Variants in TMPRSS6 observed in about 807,000 individuals in gnomAD.
The protein encoded by TMPRSS6 is transmembrane serine protease 6, also known as transmembrane protease serine 6.
TMPRSS6 carries 67 observed loss-of-function variants against 101.5 expected under a neutral mutation model. The ratio of observed to expected loss-of-function variants is 0.66; its 90% CI spans 0.54 to 0.81. TMPRSS6 has a LOEUF of 0.81. TMPRSS6 is among the 30% of genes least tolerant of loss of function. The probability of loss-of-function intolerance (pLI) is 0.00; values close to 1 mark genes in which losing one functional copy is unlikely to be tolerated. For missense variants in TMPRSS6, 1,034 were observed against 1,088.7 expected (o/e 0.95, Z 0.71); for synonymous variants, 453 against 464.9 (o/e 0.97, Z 0.33).
At position 37,089,775 on chromosome 22, in the gene TMPRSS6, G is replaced by T; in HGVS notation, c.639C>A (p.Tyr213Ter). ...IAALNSTLGC[Y>*]RYSYVGQGQV... is the part of the protein sequence containing the mutation. ...GGCCCTGGCCCACGTAGCTGTAGCG[G>T]TAACAACCTGGAGCGGGGAGAGGGG... is the stretch of plus-strand genomic sequence containing the variant. The change falls in exon 7 of 18, where the codon TAC becomes TAA. Residue 213 changes from tyrosine to a stop codon, truncating the protein, a stop_gained. Transcript: ENST00000676104. LOFTEE classifies it high-confidence loss of function. 1 of 1,612,054 alleles carries T rather than the reference G, an allele frequency of 6.2e-7. No homozygotes were observed. Among genetic ancestry groups the T allele is most frequent in the Non-Finnish European group, 8.5e-7 (1 of 1,179,634 alleles).
chr22:37,067,054 G>A, intron 16 of TMPRSS6, 92 bp from the exon 17 acceptor site: 2 of 1,580,598 alleles, frequency 1.3e-6, no homozygotes, highest in Non-Finnish European at 1.7e-6. Context: ...CATCTCAGGA[G>A]CCTACTTCTC....
intron 13 of TMPRSS6, among the ~76,000 whole-genome samples, chr22:37,072,453 T>TGGATGATGGATG (rs1568999335): frequency 1.1e-5 from 1 of 93,586 alleles, no homozygotes; most frequent in African/African-American, 4.8e-5. Context: ...GATGGATGGA[T>TGGATGATGGATG]GATGGATGGA....
chr22:37,065,504 G>T lies in TMPRSS6; in HGVS notation c.*576C>A, dbSNP rs139014458. On this transcript the variant is annotated 3_prime_UTR_variant, in exon 18 of 18. Coordinates refer to ENST00000676104, the MANE Select transcript of TMPRSS6 (RefSeq NM_001374504.1). ...CCCAGTGAGGGTCTGGGCTGTGAGG[G>T]CCCAGGTGGCAGGCAGGGGTGGGGC... The T allele has an allele frequency of 8.3e-5, 13 of 156,772 alleles. No individual in the cohort carries two copies. The East Asian group carries it at 2.1e-3, about 25-fold the overall frequency. The allele number at this position is 156,772 out of a possible 1,614,324, so 9.7% of individuals were successfully genotyped here.
At chr22:37,095,428 G>C in intron 6 of TMPRSS6, 123 bp downstream of exon 6, 1 of 1,226,824 alleles carries the variant, frequency 8.2e-7, no homozygotes, top group South Asian at 1.3e-5. Context: ...CATCCCCTGG[G>C]TGACTCTTGG....
chr22:37,069,406 C>G lies in TMPRSS6; in HGVS notation c.1842-62G>C. 1 of 1,457,662 alleles carries G rather than the reference C, an allele frequency of 6.9e-7. No individual in the cohort carries two copies. Among genetic ancestry groups the G allele is most frequent in the Non-Finnish European group, 9.2e-7 (1 of 1,084,024 alleles). The allele number at this position is 1,457,662 out of a possible 1,614,324, so 90.3% of individuals were successfully genotyped here. A position where few individuals can be genotyped will look rare whatever the true frequency, so the allele number is the denominator to read the frequency against. On this transcript the variant is annotated intron_variant, in intron 15 of 17. Transcript: ENST00000676104. The surrounding 1 kb of genome is among the most constrained non-coding windows in gnomAD (Gnocchi z 4.8). ...TGAGGTGGGAGGAAGCTGCCTCTCC[C>G]CATCCAGGGACCCTCAAGATAGCCA...
At position 37,103,339 on chromosome 22, in the gene TMPRSS6, T is replaced by A. The variant is rs763912943; in HGVS notation, c.79A>T (p.Met27Leu). Reference sequence around the variant, plus strand: ...TTGGAGTCCTCACAGGCCTTGAACATCCCCTCCGGCTCCGCTTCCTCGCCA... The same window carrying A: ...TTGGAGTCCTCACAGGCCTTGAACAACCCCTCCGGCTCCGCTTCCTCGCCA... ...GDGEEAEPEG[M>L]FKACEDSKRK... Residue 27 changes from methionine (M) to leucine (L), a missense_variant, in exon 2 of 18, where the codon ATG becomes TTG. Physicochemically the swap from Met to Leu is conservative, Grantham distance 15. Coordinates refer to ENST00000676104, the MANE Select transcript of TMPRSS6 (RefSeq NM_001374504.1). This position sits in a 1 kb window ranked among gnomAD's most constrained non-coding sequence, Gnocchi z 4.4. 2 of 1,613,888 alleles carry A rather than the reference T, an allele frequency of 1.2e-6. No individual in the cohort carries two copies. Among genetic ancestry groups the A allele is most frequent in the Non-Finnish European group, 1.7e-6 (2 of 1,179,996 alleles).
In TMPRSS6 at chr22:37,074,564, G is replaced by A. The variant is rs2072860; in HGVS notation, c.1441+46C>T. 846,851 of 1,568,280 alleles carry A rather than the reference G, an allele frequency of 0.54. 231,357 individuals carry two copies. Among genetic ancestry groups the A allele is most frequent in the African/African-American group, 0.73 (54,354 of 74,142 alleles). On this transcript the variant is annotated intron_variant, in intron 12 of 17. Coordinates refer to ENST00000676104, the MANE Select transcript of TMPRSS6 (RefSeq NM_001374504.1). ...TCAGAGCAGGAAAGGTGAGGAAGGA[G>A]AAGGGATGGGCAGGGAGAGGAGGGA...
At chr22:37,098,720 G>A (rs1355208826) in intron 2 of TMPRSS6, among the ~76,000 whole-genome samples, 171 bp from the exon 3 acceptor site, 1 of 152,104 alleles carries the variant, frequency 6.6e-6, no homozygotes, top group Non-Finnish European at 1.5e-5. Context: ...TTGTCATCAT[G>A]GTCATCTAAA....
At position 37,069,018 on chromosome 22, in the gene TMPRSS6, G is replaced by A. The variant is rs1010669673; in HGVS notation, c.2113+55C>T. The A allele has an allele frequency of 3.0e-5, 46 of 1,530,070 alleles. No homozygotes were observed. The highest frequency in any genetic ancestry group is 3.9e-5 in the Non-Finnish European group (45 of 1,144,768). The allele number at this position is 1,530,070 out of a possible 1,614,324, so 94.8% of individuals were successfully genotyped here. ...CGCCCTTCTCCAGGCCAGGTGTTAC[G>A]GCGCAGATCCGCACGGTCTCCCTCC... is the stretch of plus-strand genomic sequence containing the variant. On this transcript the variant is annotated intron_variant, in intron 16 of 17. Coordinates refer to ENST00000676104, the MANE Select transcript of TMPRSS6 (RefSeq NM_001374504.1). This position sits in a 1 kb window ranked among gnomAD's most constrained non-coding sequence, Gnocchi z 4.8.
intron 6 of TMPRSS6, among the ~76,000 whole-genome samples, 182 bp downstream of exon 6, chr22:37,095,369 C>G (rs73421613): frequency 0.05 from 7,535 of 152,178 alleles, 627 homozygotes; most frequent in African/African-American, 0.17. Context: ...CTCCTCTCCC[C>G]CTACAGGCTC....
rs963790787 is a variant in TMPRSS6 at position 37,069,346 on chromosome 22, T to TGGGGTGG, written c.1842-9_1842-3dup. On this transcript the variant is annotated splice_polypyrimidine_tract_variant and splice_region_variant and intron_variant, in intron 15 of 17. Transcript: ENST00000676104. This position sits in a 1 kb window ranked among gnomAD's most constrained non-coding sequence, Gnocchi z 4.8. ...GTCCACAGCACCGTGGAGGCCATGC[T>TGGGGTGG]GGGGTGGGGTGGGGTGGGGTGGGGT... is the stretch of plus-strand genomic sequence containing the variant. 1.7e-4 allele frequency: 7 copies of TGGGGTGG among 40,700 alleles called. No homozygotes were observed. In the African/African-American group the frequency reaches 5.2e-3, roughly 30 times the overall value. The allele number at this position is 40,700 out of a possible 1,614,324, so 2.5% of individuals were successfully genotyped here.
intron 16 of TMPRSS6, among the ~76,000 whole-genome samples, 174 bp from the exon 17 acceptor site, chr22:37,067,136 C>T (rs1926376734): frequency 1.3e-5 from 2 of 152,202 alleles, no homozygotes; most frequent in Non-Finnish European, 2.9e-5. Context: ...TTTATTCTAG[C>T]TCTTTCTCTG....
At chr22:37,085,879 C>T (rs1928699163) in intron 8 of TMPRSS6, among the ~76,000 whole-genome samples, 1 of 151,942 alleles carries the variant, frequency 6.6e-6, no homozygotes, top group Admixed American at 6.6e-5. Context: ...CCAGGCCCAG[C>T]CACCGGTGGG....
intron 2 of TMPRSS6, among the ~76,000 whole-genome samples, chr22:37,101,000 G>A (rs570953795): frequency 2.6e-4 from 39 of 152,286 alleles, no homozygotes; most frequent in African/African-American, 9.4e-4. Context: ...GGATGTTGGC[G>A]AGCTTGACAA....
chr22:37,075,020 C>G, intron 11 of TMPRSS6, 115 bp downstream of exon 11: 2 of 1,543,852 alleles, frequency 1.3e-6, no homozygotes, highest in East Asian at 2.2e-5. Flanking sequence ...CACACACTCT[C>G]TCTCTCCTTT....
intron 10 of TMPRSS6, 56 bp downstream of exon 10, chr22:37,084,239 G>T (rs778840689): frequency 4.8e-6 from 7 of 1,446,406 alleles, no homozygotes; most frequent in Admixed American, 1.8e-5. Context: ...ATTGAGGAGG[G>T]AAGAGAGGGA....
intron 4 of TMPRSS6, among the ~76,000 whole-genome samples, chr22:37,096,393 G>A (rs113221338): frequency 5.9e-4 from 90 of 152,230 alleles, no homozygotes; most frequent in African/African-American, 1.9e-3. Flanking sequence ...CTCCAACATC[G>A]CCTCGCCTGA....
At chr22:37,085,198 C>T (rs1928634643) in intron 8 of TMPRSS6, among the ~76,000 whole-genome samples, 1 of 152,144 alleles carries the variant, frequency 6.6e-6, no homozygotes, top group South Asian at 2.1e-4. Flanking sequence ...GAGCTGTTCC[C>T]CTTTTCCAAG....
At chr22:37,094,552 G>C (rs1929584379) in intron 6 of TMPRSS6, among the ~76,000 whole-genome samples, 1 of 152,076 alleles carries the variant, frequency 6.6e-6, no homozygotes, top group Non-Finnish European at 1.5e-5. Context: ...ATGATAGATA[G>C]ATAGATAGAT....
Sources: gnomAD v4.1 joint callset for allele counts (sites outside exome capture counted in the v4.1 genomes callset) on GRCh38, gnomAD v4.1.1 for gene constraint, Gnocchi (gnomAD v3.1) non-coding constraint, MANE v1.5 for transcripts, NCBI Gene and HGNC (gene_info 2026-07-23, HGNC 2026-07-21) for gene names.